The following ACAD11 variants were observed in gnomAD, a reference collection of about 807,000 sequenced individuals.
ACAD11 encodes the protein acyl-CoA dehydrogenase family member 11.
In ACAD11, 83 loss-of-function variants were observed where a neutral mutation model predicts 102.2. That is an observed-to-expected ratio of 0.81 (90% CI 0.68 to 0.97). ACAD11 has a LOEUF of 0.97. Among genes scored for constraint, ACAD11 ranks in the 50% least tolerant of loss-of-function variants. The pLI is 0.00. For missense variants in ACAD11, 901 were observed against 951.7 expected (o/e 0.95, Z 0.70); for synonymous variants, 324 against 319.8 (o/e 1.01, Z -0.14).
chr3:132,618,549 TA>T (rs1939496185), intron 11 of ACAD11, 84 bp downstream of exon 11: 1 of 1,207,490 alleles, frequency 8.3e-7, no homozygotes, highest in South Asian at 2.5e-5. Context: ...TAACTTTGTA[TA>T]AAAACACATT....
At chr3:132,651,816 T>C (rs1424357551) in intron 1 of ACAD11, among the ~76,000 whole-genome samples, 2 of 152,170 alleles carry the variant, frequency 1.3e-5, no homozygotes, top group African/African-American at 4.8e-5. Flanking sequence ...TTTGGACAAT[T>C]TCTCTCATTT....
chr3:132,619,603 G>A, intron 9 of ACAD11, 58 bp from the exon 10 acceptor site: 1 of 912,200 alleles, frequency 1.1e-6, no homozygotes, highest in Non-Finnish European at 1.7e-6. Context: ...AGTAAACAAT[G>A]TCATAAACTG....
chr3:132,617,637 A>G (rs1294758318), intron 11 of ACAD11, among the ~76,000 whole-genome samples: 2 of 152,152 alleles, frequency 1.3e-5, no homozygotes, highest in East Asian at 3.9e-4. Flanking sequence ...ACTTTGGTCA[A>G]TTCTCAACAT....
intron 13 of ACAD11, among the ~76,000 whole-genome samples, chr3:132,588,023 G>A (rs1292400853): frequency 2.0e-5 from 3 of 152,100 alleles, no homozygotes; most frequent in African/African-American, 7.2e-5. Context: ...TCAGGACACA[G>A]AGATCTGAGT....
chr3:132,639,865 T>A (rs1940418096), intron 4 of ACAD11, among the ~76,000 whole-genome samples: 1 of 152,112 alleles, frequency 6.6e-6, no homozygotes, highest in Non-Finnish European at 1.5e-5. Context: ...TTTACTTACC[T>A]AGTTTTTTAT....
intron 7 of ACAD11, among the ~76,000 whole-genome samples, chr3:132,628,663 A>G (rs1396416011): frequency 1.3e-5 from 2 of 152,178 alleles, no homozygotes; most frequent in African/African-American, 4.8e-5. Flanking sequence ...ATCCTAACAT[A>G]ATTCTAATTT....
chr3:132,656,320 G>A (rs1937798619), intron 1 of ACAD11, among the ~76,000 whole-genome samples: 1 of 152,088 alleles, frequency 6.6e-6, no homozygotes, highest in East Asian at 1.9e-4. Context: ...TGTAGTACAA[G>A]AAAAGTCTCA....
chr3:132,559,988 C>T (rs751522419), intron 18 of ACAD11, 46 bp from the exon 19 acceptor site: 136 of 1,430,092 alleles, frequency 9.5e-5, no homozygotes, highest in Non-Finnish European at 1.3e-4. Flanking sequence ...TTAGACTATA[C>T]ACAATGTGGC....
intron 9 of ACAD11, among the ~76,000 whole-genome samples, chr3:132,624,463 G>A (rs1234146091): frequency 1.3e-5 from 2 of 151,494 alleles, no homozygotes; most frequent in Non-Finnish European, 2.9e-5. Flanking sequence ...AAATTAGCCA[G>A]GCTTGGTGGC....
At chr3:132,628,635 T>A (rs572726187) in intron 7 of ACAD11, among the ~76,000 whole-genome samples, 189 bp from the exon 8 acceptor site, 1 of 152,170 alleles carries the variant, frequency 6.6e-6, no homozygotes, top group Non-Finnish European at 1.5e-5. Context: ...ACTCATATCA[T>A]ACAGTTCACA....
At chr3:132,594,803 A>C (rs1292809962) in intron 13 of ACAD11, among the ~76,000 whole-genome samples, 2 of 152,192 alleles carry the variant, frequency 1.3e-5, no homozygotes, top group African/African-American at 4.8e-5. Context: ...TATCATATAG[A>C]AAGATCAAAG....
chr3:132,657,678 T>G (rs1217390291), intron 1 of ACAD11, among the ~76,000 whole-genome samples: 1 of 152,170 alleles, frequency 6.6e-6, no homozygotes, highest in Non-Finnish European at 1.5e-5. Context: ...TCCTGTAAGT[T>G]TTTGAAAATT....
intron 17 of ACAD11, among the ~76,000 whole-genome samples, chr3:132,569,804 A>G (rs1937326310): frequency 6.6e-6 from 1 of 152,114 alleles, no homozygotes; most frequent in African/African-American, 2.4e-5. Flanking sequence ...AGTTAATGAG[A>G]AGGTTGGGGT....
At chr3:132,638,942 G>A (rs1940376900) in intron 5 of ACAD11, among the ~76,000 whole-genome samples, 1 of 152,122 alleles carries the variant, frequency 6.6e-6, no homozygotes, top group East Asian at 1.9e-4. Flanking sequence ...CATTGTAGGT[G>A]CTCAGTGGAG....
intron 12 of ACAD11, 33 bp downstream of exon 12, chr3:132,605,065 C>A: frequency 1.3e-6 from 2 of 1,515,898 alleles, no homozygotes; most frequent in Non-Finnish European, 1.8e-6. Context: ...GGACGACTGA[C>A]TACACAAGGA....
intron 13 of ACAD11, among the ~76,000 whole-genome samples, chr3:132,592,154 G>C (rs912281227): frequency 1.3e-5 from 2 of 152,056 alleles, no homozygotes; most frequent in Non-Finnish European, 2.9e-5. Context: ...TAACAATGAT[G>C]TTTCAGAAAA....
At chr3:132,628,941 T>C (rs1939928167) in intron 7 of ACAD11, among the ~76,000 whole-genome samples, 1 of 152,222 alleles carries the variant, frequency 6.6e-6, no homozygotes, top group Admixed American at 6.5e-5. Context: ...TCTTTGATAA[T>C]TCTCCATTTC....
rs986397631 is a variant in ACAD11, at chr3:132,639,479, T to C, written c.702+13A>G. On this transcript the variant is annotated intron_variant, in intron 5 of 19. Transcript: ENST00000264990. The stretch of plus-strand genomic sequence containing the variant: ...AGACCTACTCAATTAATTGTAAACA[T>C]AGCTAACTGTACCTCTTTAGGGTGG... 14 of 1,609,418 alleles carry C rather than the reference T, an allele frequency of 8.7e-6. No homozygotes were observed. The African/African-American group carries it at 9.4e-5, about 11-fold the overall frequency.
At chr3:132,577,429 G>A (rs1937538808) in intron 15 of ACAD11, among the ~76,000 whole-genome samples, 1 of 152,140 alleles carries the variant, frequency 6.6e-6, no homozygotes, top group Non-Finnish European at 1.5e-5. Flanking sequence ...TGTAATCCAT[G>A]TTTCTTATTT....
Sources: allele counts gnomAD v4.1 joint callset (sites outside exome capture counted in the v4.1 genomes callset), GRCh38; gene constraint gnomAD v4.1.1; transcripts MANE v1.5; gene names NCBI Gene and HGNC (gene_info 2026-07-23, HGNC 2026-07-21).